Variants in SDK2 observed in about 807,000 individuals in gnomAD.
SDK2 encodes sidekick cell adhesion molecule 2.
SDK2 carries 105 observed loss-of-function variants against 253.9 expected under a neutral mutation model. That is an observed-to-expected ratio of 0.41 (90% confidence interval 0.35 to 0.49). The LOEUF is 0.49. SDK2 is among the 20% of genes least tolerant of loss of function. The pLI is 0.06. For synonymous variants in SDK2, 1,249 were observed against 1,234.9 expected, an observed-to-expected ratio of 1.01 and a Z score of -0.24; for missense variants, 2,608 against 3,003.0, an observed-to-expected ratio of 0.87 and a Z score of 3.07.
chr17:73,406,108 A>G (rs938430890), intron 18 of SDK2, among the ~76,000 whole-genome samples: 7 of 152,106 alleles, frequency 4.6e-5, no homozygotes, highest in African/African-American at 1.7e-4. Flanking sequence ...GTTATACTGT[A>G]TTGTTTGGGG....
At chr17:73,408,218 A>ATTTTTTTTTT (rs1315820128) in intron 18 of SDK2, among the ~76,000 whole-genome samples, 1 of 129,574 alleles carries the variant, frequency 7.7e-6, no homozygotes, top group Admixed American at 7.8e-5. Context: ...CACCTGGCTA[A>ATTTTTTTTTT]TTTTTTTTTT....
chr17:73,641,513 C>G (rs561746379), intron 1 of SDK2, among the ~76,000 whole-genome samples: 2 of 152,122 alleles, frequency 1.3e-5, no homozygotes, highest in Non-Finnish European at 2.9e-5. Flanking sequence ...TGTGACCCAT[C>G]GGGCATACGG....
At chr17:73,506,506 A>T (rs1387022752) in intron 2 of SDK2, among the ~76,000 whole-genome samples, 1 of 152,180 alleles carries the variant, frequency 6.6e-6, no homozygotes, top group Non-Finnish European at 1.5e-5. Context: ...CCCTAAAGGA[A>T]AGGCTGGTTC....
chr17:73,589,817 T>TGCGGATTA lies in SDK2; in HGVS notation c.64+54200_64+54207dup, dbSNP rs551124143. ...GTTTTGAGCAGCCCCGCAGAGCCAC[T>TGCGGATTA]GCGGATTAGCAGGTGTTACAGAGGT... On this transcript the variant is annotated intron_variant, in intron 1 of 44. Coordinates refer to ENST00000392650, the MANE Select transcript of SDK2 (RefSeq NM_001144952.2). Among the ~76,000 whole-genome samples the TGCGGATTA allele has an allele frequency of 7.8e-4, 119 of 152,370 alleles. 2 individuals carry two copies. The highest frequency in any genetic ancestry group is 4.1e-3 in the South Asian group (20 of 4,830).
intron 1 of SDK2, among the ~76,000 whole-genome samples, chr17:73,630,515 G>T (rs1266593612): frequency 6.6e-6 from 1 of 151,452 alleles, no homozygotes; most frequent in East Asian, 1.9e-4. Context: ...GCACTATGAG[G>T]GGCCTAAGTG....
chr17:73,549,374 T>C (rs1485757344), intron 1 of SDK2, among the ~76,000 whole-genome samples: 1 of 152,166 alleles, frequency 6.6e-6, no homozygotes, highest in Non-Finnish European at 1.5e-5. Context: ...CTCTTTGCCC[T>C]TTAGCTTGTA....
chr17:73,620,326 A>G (rs1484295078), intron 1 of SDK2, among the ~76,000 whole-genome samples: 1 of 152,256 alleles, frequency 6.6e-6, no homozygotes, highest in Non-Finnish European at 1.5e-5. Context: ...CAAAACCCCC[A>G]TAAGGTAACA....
intron 3 of SDK2, among the ~76,000 whole-genome samples, chr17:73,460,608 C>T (rs1474667731): frequency 6.6e-6 from 1 of 152,236 alleles, no homozygotes; most frequent in Non-Finnish European, 1.5e-5. Flanking sequence ...TAAACATCAC[C>T]TCCTCAATGA....
chr17:73,500,584 CA>C, intron 2 of SDK2, among the ~76,000 whole-genome samples: 1 of 148,674 alleles, frequency 6.7e-6, no homozygotes, highest in Non-Finnish European at 1.5e-5. Flanking sequence ...TGTTCTCCTC[CA>C]TCCTCTGTCC....
In SDK2 at chr17:73,625,747, C is replaced by T. The variant is rs539202661; in HGVS notation, c.64+18278G>A. On this transcript the variant is annotated intron_variant, in intron 1 of 44. Coordinates refer to ENST00000392650, the MANE Select transcript of SDK2 (RefSeq NM_001144952.2). ...GCAACATCTGCCTCCCCGGCTCAAG[C>T]GATTCCCTTGCCTCAGCCTCCCGAG... Among the ~76,000 whole-genome samples, 92 of 152,178 alleles carry T rather than the reference C, an allele frequency of 6.0e-4. 1 individual carries two copies. Among genetic ancestry groups the T allele is most frequent in the African/African-American group, 2.2e-3 (92 of 41,512 alleles).
In SDK2 at chr17:73,431,429, G is replaced by C. The variant is rs1055820530; in HGVS notation, c.1480+73C>G. 1 of 1,455,058 alleles carries C rather than the reference G, an allele frequency of 6.9e-7. No individual in the cohort carries two copies. The highest frequency in any genetic ancestry group is 1.4e-5 in the African/African-American group (1 of 70,084). The allele number at this position is 1,455,058 out of a possible 1,614,324, so 90.1% of individuals were successfully genotyped here. A position where few individuals can be genotyped will look rare whatever the true frequency, so the allele number is the denominator to read the frequency against. On this transcript the variant is annotated intron_variant, in intron 11 of 44. Coordinates refer to ENST00000392650, the MANE Select transcript of SDK2 (RefSeq NM_001144952.2). This position sits in a 1 kb window ranked among gnomAD's most constrained non-coding sequence, Gnocchi z 5.6. The stretch of plus-strand genomic sequence containing the variant: ...TGAGCCTGTGCCCCGTAGCTGTCCT[G>C]AGTCCTCAGCACCTACAGGGATGTA...
At chr17:73,459,561 A>C (rs1035844421) in intron 3 of SDK2, among the ~76,000 whole-genome samples, 2 of 152,342 alleles carry the variant, frequency 1.3e-5, no homozygotes, top group East Asian at 3.9e-4. Flanking sequence ...CAAAAGATCA[A>C]ATCTGCTGCT....
chr17:73,356,905 G>C (rs55709128), intron 40 of SDK2, among the ~76,000 whole-genome samples: 1,909 of 152,340 alleles, frequency 0.013, 43 homozygotes, highest in African/African-American at 0.043. Context: ...AATCAACAGA[G>C]CCAGAGTCAG....
intron 1 of SDK2, among the ~76,000 whole-genome samples, chr17:73,591,606 A>C (rs546519224): frequency 1.3e-5 from 2 of 152,332 alleles, no homozygotes; most frequent in East Asian, 3.9e-4. Flanking sequence ...TGGTGCTCAA[A>C]GATGAAGCAA....
Position 73,643,957 on chromosome 17 carries a change from T to TCCCCCCCCCCCCCCCCCCC in SDK2, c.64+67_64+68insGGGGGGGGGGGGGGGGGGG. The TCCCCCCCCCCCCCCCCCCC allele has an allele frequency of 1.9e-5, 19 of 1,019,986 alleles. No individual in the cohort carries two copies. The highest frequency in any genetic ancestry group is 6.2e-4 in the Middle Eastern group (2 of 3,210). The allele number at this position is 1,019,986 out of a possible 1,614,324, so 63.2% of individuals were successfully genotyped here. The stretch of plus-strand genomic sequence containing the variant: ...GGAGGTCACCGTGAGGCCGGCCAGC[T>TCCCCCCCCCCCCCCCCCCC]CCCGCCGCCCCTCCCCCGCCCACTC... On this transcript the variant is annotated intron_variant, in intron 1 of 44. Transcript: ENST00000392650. This position sits in a 1 kb window ranked among gnomAD's most constrained non-coding sequence, Gnocchi z 6.9.
intron 3 of SDK2, among the ~76,000 whole-genome samples, chr17:73,470,464 A>G (rs1389323151): frequency 1.3e-5 from 2 of 152,202 alleles, no homozygotes; most frequent in African/African-American, 4.8e-5. Context: ...GTCTCTCTAG[A>G]GGCCCAGCCT....
At chr17:73,508,012 C>G (rs1041255493) in intron 1 of SDK2, among the ~76,000 whole-genome samples, 24 of 152,228 alleles carry the variant, frequency 1.6e-4, no homozygotes, top group Admixed American at 1.4e-3. Context: ...AATAGGGAGG[C>G]AGATTGACAA....
intron 2 of SDK2, among the ~76,000 whole-genome samples, chr17:73,483,647 G>A (rs1179068621): frequency 1.0e-3 from 36 of 35,056 alleles, no homozygotes; most frequent in African/African-American, 3.0e-3. Context: ...ATATATGTGT[G>A]TGTGTGTGTG....
rs1432989118 is a variant in SDK2 at position 73,337,333 on chromosome 17, G to C, written c.*1254C>G. On this transcript the variant is annotated 3_prime_UTR_variant, in exon 45 of 45. Transcript: ENST00000392650. ...TCTGGGTATTCCAGCCTCTGGACCA[G>C]GGACTTGGGCCACCCCTCTGGGCTC... 3 of 152,412 alleles carry C rather than the reference G, an allele frequency of 2.0e-5. No individual in the cohort carries two copies. The highest frequency in any genetic ancestry group is 7.2e-5 in the African/African-American group (3 of 41,466). The allele number at this position is 152,412 out of a possible 1,614,324, so 9.4% of individuals were successfully genotyped here.
Sources: gnomAD v4.1 joint callset for allele counts (sites outside exome capture counted in the v4.1 genomes callset) on GRCh38, gnomAD v4.1.1 for gene constraint, Gnocchi (gnomAD v3.1) non-coding constraint, MANE v1.5 for transcripts, NCBI Gene and HGNC (gene_info 2026-07-23, HGNC 2026-07-21) for gene names.